The following SEMA6A variants were observed in gnomAD, a reference collection of about 807,000 sequenced individuals.
SEMA6A encodes the protein semaphorin 6A.
Under a neutral mutation model 96.8 loss-of-function variants are expected in SEMA6A, and 25 were observed. That is an observed-to-expected ratio of 0.26 (90% CI 0.19 to 0.36). SEMA6A has a LOEUF of 0.36. SEMA6A is among the 10% of genes least tolerant of loss of function. The pLI, the probability that SEMA6A is intolerant of heterozygous loss-of-function variation, is 1.00. For missense variants in SEMA6A, 1,363 were observed against 1,323.1 expected, an observed-to-expected ratio of 1.03 and a Z score of -0.47; for synonymous variants, 612 against 518.0, an observed-to-expected ratio of 1.18 and a Z score of -2.46.
At chr5:116,517,914 T>C (rs1307624904) in intron 1 of SEMA6A, among the ~76,000 whole-genome samples, 2 of 152,324 alleles carry the variant, frequency 1.3e-5, no homozygotes, top group East Asian at 3.9e-4. Flanking sequence ...GGAGATTCCA[T>C]GATGTCAGAG....
At chr5:116,487,954 G>T (rs919664518) in intron 9 of SEMA6A, among the ~76,000 whole-genome samples, 154 bp downstream of exon 9, 1 of 152,100 alleles carries the variant, frequency 6.6e-6, no homozygotes, top group Non-Finnish European at 1.5e-5. Flanking sequence ...CTGCGATTTC[G>T]TTACTGTTCT....
At chr5:116,490,232 A>C (rs147811056) in intron 7 of SEMA6A, among the ~76,000 whole-genome samples, 561 of 152,324 alleles carry the variant, frequency 3.7e-3, no homozygotes, top group Non-Finnish European at 6.1e-3. Flanking sequence ...CAAACCTTTA[A>C]ATTGGCCCAA....
At chr5:116,547,347 C>A (rs1165467635) in intron 1 of SEMA6A, among the ~76,000 whole-genome samples, 1 of 152,104 alleles carries the variant, frequency 6.6e-6, no homozygotes, top group Non-Finnish European at 1.5e-5. Flanking sequence ...ATGCACTAAA[C>A]CCTCTGAATG....
intron 1 of SEMA6A, among the ~76,000 whole-genome samples, chr5:116,555,087 C>T (rs988273427): frequency 3.3e-5 from 5 of 152,140 alleles, no homozygotes; most frequent in African/African-American, 1.2e-4. Flanking sequence ...AGGAGGGGCC[C>T]CAGTTCCCAT....
At chr5:116,555,082 GGGCCCCAGT>G (rs1463858989) in intron 1 of SEMA6A, among the ~76,000 whole-genome samples, 2 of 152,070 alleles carry the variant, frequency 1.3e-5, no homozygotes, top group Non-Finnish European at 2.9e-5. Flanking sequence ...CGGGAAGGAG[GGGCCCCAGT>G]TCCCATTATC....
At chr5:116,450,822 AG>A in intron 18 of SEMA6A, among the ~76,000 whole-genome samples, 1 of 152,226 alleles carries the variant, frequency 6.6e-6, no homozygotes. Flanking sequence ...AAACGTCCAA[AG>A]ATGGAAACAG....
intron 9 of SEMA6A, 129 bp from the exon 10 acceptor site, chr5:116,487,095 CAAAAAA>C: frequency 2.2e-6 from 1 of 445,664 alleles, no homozygotes; most frequent in Non-Finnish European, 4.0e-6. Flanking sequence ...AAATCAGTAA[CAAAAAA>C]AAAAAAGAAA....
chr5:116,546,957 T>G (rs761374494), intron 1 of SEMA6A, among the ~76,000 whole-genome samples: 4 of 152,178 alleles, frequency 2.6e-5, no homozygotes, highest in Non-Finnish European at 5.9e-5. Flanking sequence ...TAGATTCTCA[T>G]GAAAAACAAA....
chr5:116,498,982 A>G (rs1580440955), intron 3 of SEMA6A: 2 of 152,198 alleles, frequency 1.3e-5, no homozygotes, highest in Admixed American at 1.3e-4. Context: ...AGAGATTAAA[A>G]AAGAAGAGGA....
At chr5:116,478,245 A>G (rs1756565080) in intron 13 of SEMA6A, 91 bp from the exon 14 acceptor site, 17 of 1,431,990 alleles carry the variant, frequency 1.2e-5, no homozygotes, top group Non-Finnish European at 1.5e-5. Flanking sequence ...CCACAAGGCA[A>G]TCTCTTAATC....
Position 116,504,894 on chromosome 5 carries a change from C to T in SEMA6A, c.51G>A (p.Gly17=), listed in dbSNP as rs377346139. 4.4e-6 allele frequency: 7 copies of T among 1,604,756 alleles called. No homozygotes were observed. The East Asian group carries it at 9.0e-5, about 21-fold the overall frequency. The change falls in exon 2 of 19, where the codon GGG becomes GGA. Residue 17 remains glycine (G), a synonymous_variant. Transcript: ENST00000343348. ...LLYFTLLHFA[G]AGFPEDSEPI... Reference sequence around the variant, plus strand: ...GCTCAGAATCTTCTGGGAAACCAGCCCCAGCAAAGTGTAGCAGTGTGAAAT... The same window carrying T: ...GCTCAGAATCTTCTGGGAAACCAGCTCCAGCAAAGTGTAGCAGTGTGAAAT...
At position 116,547,787 on chromosome 5, in the gene SEMA6A, G is replaced by C. The variant is rs78462679; in HGVS notation, c.-39+26398C>G. ...CAAATGATCCCCTGAGTCAACACCCGTGAATGTAAAGTGTTCTGCAAATAA... is the reference window on the plus strand; with the variant it reads ...CAAATGATCCCCTGAGTCAACACCCCTGAATGTAAAGTGTTCTGCAAATAA... On this transcript the variant is annotated intron_variant, in intron 1 of 18. Coordinates refer to ENST00000343348, the MANE Select transcript of SEMA6A (RefSeq NM_020796.5). 8.2e-4 allele frequency among the ~76,000 whole-genome samples: 117 copies of C among 142,044 alleles called. 2 individuals carry two copies. In the East Asian group the frequency reaches 0.023, roughly 28 times the overall value. 93.2% of individuals were successfully genotyped at this position (142,044 alleles called of 152,430 possible). A position where few individuals can be genotyped will look rare whatever the true frequency, so the allele number is the denominator to read the frequency against.
chr5:116,470,342 A>T (rs1756043819), intron 17 of SEMA6A, among the ~76,000 whole-genome samples: 1 of 152,222 alleles, frequency 6.6e-6, no homozygotes, highest in African/African-American at 2.4e-5. Flanking sequence ...GTGATATCAT[A>T]TGTCAATAGA....
chr5:116,528,795 A>G (rs1759340071), intron 1 of SEMA6A, among the ~76,000 whole-genome samples: 1 of 152,160 alleles, frequency 6.6e-6, no homozygotes, highest in Non-Finnish European at 1.5e-5. Flanking sequence ...ATTGTGGGGG[A>G]CTGCTGTGGC....
At position 116,527,599 on chromosome 5, in the gene SEMA6A, A is replaced by C. The variant is rs74339144; in HGVS notation, c.-38-22617T>G. 6.6e-3 allele frequency among the ~76,000 whole-genome samples: 1,006 copies of C among 152,320 alleles called. 8 individuals carry two copies. The highest frequency in any genetic ancestry group is 0.023 in the African/African-American group (948 of 41,578). ...AGCTGATGTCCTGTGTGCTGGGAGA[A>C]AGAAGTCGGTAATGTGTACGTTTAA... On this transcript the variant is annotated intron_variant, in intron 1 of 18. Coordinates refer to ENST00000343348, the MANE Select transcript of SEMA6A (RefSeq NM_020796.5).
At chr5:116,483,091 C>G (rs1048361786) in intron 10 of SEMA6A, among the ~76,000 whole-genome samples, 6 of 152,208 alleles carry the variant, frequency 3.9e-5, no homozygotes, top group African/African-American at 7.2e-5. Flanking sequence ...ATGTTAGTCT[C>G]TGTACATTTA....
At chr5:116,562,050 TCTC>T (rs1252546311) in intron 1 of SEMA6A, among the ~76,000 whole-genome samples, 11 of 152,180 alleles carry the variant, frequency 7.2e-5, no homozygotes, top group African/African-American at 2.4e-4. Context: ...ACTTTTGACA[TCTC>T]CTCCTTGGAC....
intron 15 of SEMA6A, among the ~76,000 whole-genome samples, chr5:116,477,155 A>C (rs1561482660): frequency 6.6e-6 from 1 of 152,236 alleles, no homozygotes; most frequent in Non-Finnish European, 1.5e-5. Context: ...TACTTCTGCA[A>C]ATTTATTTTG....
intron 1 of SEMA6A, among the ~76,000 whole-genome samples, chr5:116,544,806 T>C (rs1307341244): frequency 2.6e-5 from 4 of 152,230 alleles, no homozygotes; most frequent in Non-Finnish European, 4.4e-5. Flanking sequence ...TTTATTTACA[T>C]ACCACTGTTA....
Sources: gnomAD v4.1 joint callset for allele counts (sites outside exome capture counted in the v4.1 genomes callset) on GRCh38, gnomAD v4.1.1 for gene constraint, MANE v1.5 for transcripts, NCBI Gene and HGNC (gene_info 2026-07-23, HGNC 2026-07-21) for gene names.